STXBP5L: variants seen among roughly 807,000 people sequenced by gnomAD.
STXBP5L encodes syntaxin-binding protein 5-like.
In STXBP5L, 65 loss-of-function variants were observed where a neutral mutation model predicts 144.5. The ratio of observed to expected loss-of-function variants is 0.45; its 90% CI spans 0.37 to 0.55. The LOEUF (loss-of-function observed/expected upper bound fraction) is 0.55. Ranked by LOEUF, STXBP5L falls within the 20% of genes least tolerant of loss-of-function variation. STXBP5L has a pLI of 0.00. For missense variants in STXBP5L, 1,298 were observed against 1,405.5 expected, an observed-to-expected ratio of 0.92 and a Z score of 1.22; for synonymous variants, 505 against 469.6, an observed-to-expected ratio of 1.08 and a Z score of -0.97.
At position 121,221,405 on chromosome 3, in the gene STXBP5L, A is replaced by G. The variant is rs200897872; in HGVS notation, c.957-1598A>G. Among the ~76,000 whole-genome samples the G allele has an allele frequency of 2.0e-5, 3 of 151,686 alleles. No individual in the cohort carries two copies. In the East Asian group the frequency reaches 5.8e-4, roughly 29 times the overall value. On this transcript the variant is annotated intron_variant, in intron 10 of 26. Coordinates refer to ENST00000471454, the MANE Select transcript of STXBP5L (RefSeq NM_001308330.2). ...AGTATTAGGGGATGAGAGTAAATTC[A>G]CCTACTTTTACACAGGAAAAAAATA...
chr3:121,070,893 G>A (rs772087049), intron 5 of STXBP5L, among the ~76,000 whole-genome samples: 1 of 152,140 alleles, frequency 6.6e-6, no homozygotes, highest in Non-Finnish European at 1.5e-5. Flanking sequence ...TTAGGGGTTC[G>A]CCAATTCGGA....
chr3:121,070,735 G>A (rs112391203), intron 5 of STXBP5L, among the ~76,000 whole-genome samples: 2,931 of 152,154 alleles, frequency 0.019, 88 homozygotes, highest in African/African-American at 0.066. Context: ...TTTACAGGTG[G>A]TTTTAATATT....
intron 5 of STXBP5L, among the ~76,000 whole-genome samples, chr3:121,086,426 T>G (rs1306075460): frequency 6.6e-6 from 1 of 152,088 alleles, no homozygotes; most frequent in African/African-American, 2.4e-5. Context: ...TCATAGCCAT[T>G]GTAACATTAT....
chr3:120,991,833 G>T (rs930703278), intron 3 of STXBP5L, among the ~76,000 whole-genome samples: 25 of 149,118 alleles, frequency 1.7e-4, no homozygotes, highest in Admixed American at 1.0e-3. Flanking sequence ...AGGGGGGAGG[G>T]ATAGCATTAG....
chr3:121,124,421 C>A (rs1324092133), intron 7 of STXBP5L, among the ~76,000 whole-genome samples: 2 of 151,746 alleles, frequency 1.3e-5, no homozygotes, highest in African/African-American at 2.4e-5. Flanking sequence ...TATGGGTGTT[C>A]CATCTATAAA....
At chr3:121,077,927 C>A (rs1322420112) in intron 5 of STXBP5L, among the ~76,000 whole-genome samples, 2 of 149,020 alleles carry the variant, frequency 1.3e-5, no homozygotes, top group Admixed American at 6.7e-5. Context: ...TATGTACAAT[C>A]CCTTAGCTAG....
intron 9 of STXBP5L, among the ~76,000 whole-genome samples, chr3:121,170,561 C>T (rs1215923523): frequency 6.6e-6 from 1 of 152,154 alleles, no homozygotes; most frequent in Non-Finnish European, 1.5e-5. Flanking sequence ...ATACTATAAA[C>T]ACTTCTATGC....
At chr3:121,066,695 C>T (rs927480186) in intron 5 of STXBP5L, among the ~76,000 whole-genome samples, 7 of 152,056 alleles carry the variant, frequency 4.6e-5, no homozygotes, top group African/African-American at 1.7e-4. Context: ...TTTTGATTCC[C>T]CTGTCAAGTT....
chr3:121,204,763 C>T (rs1319708903), intron 9 of STXBP5L, among the ~76,000 whole-genome samples: 1 of 151,928 alleles, frequency 6.6e-6, no homozygotes, highest in Non-Finnish European at 1.5e-5. Flanking sequence ...CATTTCAGAA[C>T]ACAAGCCAGT....
chr3:121,399,656 G>A (rs563807011), intron 22 of STXBP5L, among the ~76,000 whole-genome samples: 1 of 152,330 alleles, frequency 6.6e-6, no homozygotes, highest in Non-Finnish European at 1.5e-5. Context: ...TGTCCTTAAG[G>A]CACAGATTGC....
intron 5 of STXBP5L, among the ~76,000 whole-genome samples, chr3:121,052,409 G>A (rs1311749417): frequency 1.3e-5 from 2 of 152,144 alleles, no homozygotes; most frequent in African/African-American, 4.8e-5. Context: ...GATCAAGTGG[G>A]CTTCATCCCT....
intron 5 of STXBP5L, among the ~76,000 whole-genome samples, chr3:121,090,665 T>C (rs2042734729): frequency 6.6e-6 from 1 of 152,030 alleles, no homozygotes; most frequent in Admixed American, 6.6e-5. Context: ...TACCTAAGAG[T>C]AATCATTTTT....
chr3:121,113,018 A>G (rs946776126), intron 5 of STXBP5L, among the ~76,000 whole-genome samples: 7 of 152,078 alleles, frequency 4.6e-5, no homozygotes, highest in African/African-American at 1.7e-4. Flanking sequence ...TGTAACCACT[A>G]CTCATCAGTT....
At chr3:120,951,480 A>G (rs1314431271) in intron 2 of STXBP5L, among the ~76,000 whole-genome samples, 20 of 151,806 alleles carry the variant, frequency 1.3e-4, no homozygotes, top group Non-Finnish European at 2.2e-4. Context: ...CAACCCCATC[A>G]AAAAGTGGGC....
intron 20 of STXBP5L, among the ~76,000 whole-genome samples, chr3:121,336,694 G>T (rs899207951): frequency 6.6e-5 from 10 of 152,116 alleles, no homozygotes; most frequent in African/African-American, 2.4e-4. Context: ...AAGCAGTGTG[G>T]CATCTCCTTA....
At chr3:121,005,900 C>T (rs1198970785) in intron 3 of STXBP5L, among the ~76,000 whole-genome samples, 2 of 152,260 alleles carry the variant, frequency 1.3e-5, no homozygotes, top group East Asian at 3.9e-4. Context: ...AGTTTGATTG[C>T]ACTGTGGTCT....
intron 11 of STXBP5L, among the ~76,000 whole-genome samples, chr3:121,229,850 G>A (rs1379078719): frequency 6.6e-6 from 1 of 152,026 alleles, no homozygotes; most frequent in Non-Finnish European, 1.5e-5. Context: ...CACCATGCTT[G>A]GCCAAGAGCC....
chr3:121,109,324 C>T (rs9812835), intron 5 of STXBP5L, among the ~76,000 whole-genome samples: 15,102 of 151,738 alleles, frequency 0.1, 1,182 homozygotes, highest in Admixed American at 0.2. Flanking sequence ...TATTATGGTG[C>T]CGATTTGAGA....
chr3:120,975,702 T>A (rs188336357), intron 3 of STXBP5L, among the ~76,000 whole-genome samples: 6,041 of 152,284 alleles, frequency 0.04, 168 homozygotes, highest in Middle Eastern at 0.082. Flanking sequence ...GCTCTTATTA[T>A]TTTGAGATAC....
Sources: gnomAD v4.1 joint callset for allele counts (sites outside exome capture counted in the v4.1 genomes callset) on GRCh38, gnomAD v4.1.1 for gene constraint, MANE v1.5 for transcripts, NCBI Gene and HGNC (gene_info 2026-07-23, HGNC 2026-07-21) for gene names.